Variants in SPATA17 observed in about 807,000 individuals in gnomAD.
The protein encoded by SPATA17 is spermatogenesis-associated protein 17.
In SPATA17, 53 loss-of-function variants were observed where a neutral mutation model predicts 62.2. The ratio of observed to expected loss-of-function variants is 0.85; its 90% CI spans 0.68 to 1.07. SPATA17 has a LOEUF of 1.07. Ranked by LOEUF, SPATA17 falls within the 50% of genes least tolerant of loss-of-function variation. SPATA17 has a pLI of 0.00. For missense variants in SPATA17, 466 were observed against 425.5 expected (o/e 1.10, Z -0.84); for synonymous variants, 146 against 146.8 (o/e 0.99, Z 0.04).
rs79983990 is a variant in SPATA17, at chr1:217,840,495, T to C, written c.1006-22279T>C. Reference sequence around the variant, plus strand: ...ATCTGGCCTATTAACCATTACACTATAGTATCTCAACTAGCTCTTTAAACT... The same window carrying C: ...ATCTGGCCTATTAACCATTACACTACAGTATCTCAACTAGCTCTTTAAACT... On this transcript the variant is annotated intron_variant, in intron 9 of 10. Coordinates refer to ENST00000366933, the MANE Select transcript of SPATA17 (RefSeq NM_138796.4). 5.1e-3 allele frequency among the ~76,000 whole-genome samples: 778 copies of C among 152,248 alleles called. 5 individuals carry two copies. Among genetic ancestry groups the C allele is most frequent in the African/African-American group, 0.015 (610 of 41,578 alleles).
At chr1:217,632,203 T>A (rs1339599998) in intron 1 of SPATA17, among the ~76,000 whole-genome samples, 2 of 150,252 alleles carry the variant, frequency 1.3e-5, no homozygotes, top group East Asian at 1.9e-4. Context: ...TAAATAAATA[T>A]AAATAAAATA....
intron 8 of SPATA17, among the ~76,000 whole-genome samples, chr1:217,791,833 A>G (rs1674000758): frequency 6.6e-6 from 1 of 152,158 alleles, no homozygotes; most frequent in Admixed American, 6.5e-5. Flanking sequence ...AATGGGAGTC[A>G]ATGGGGTCAG....
chr1:217,792,575 A>G (rs1674022065), intron 8 of SPATA17, among the ~76,000 whole-genome samples: 1 of 152,214 alleles, frequency 6.6e-6, no homozygotes. Flanking sequence ...TTCCAGCTCT[A>G]GAACCCACAG....
At chr1:217,823,773 T>G (rs1030938185) in intron 9 of SPATA17, among the ~76,000 whole-genome samples, 1 of 152,044 alleles carries the variant, frequency 6.6e-6, no homozygotes, top group Admixed American at 6.6e-5. Flanking sequence ...TAATATTTGC[T>G]TTATATATTT....
intron 6 of SPATA17, among the ~76,000 whole-genome samples, chr1:217,770,488 G>A (rs536060970): frequency 4.6e-5 from 7 of 152,174 alleles, no homozygotes; most frequent in African/African-American, 1.7e-4. Context: ...GGAATTGTAG[G>A]TGTACACTAT....
chr1:217,840,917 A>G (rs1675379932), intron 9 of SPATA17, among the ~76,000 whole-genome samples: 1 of 151,972 alleles, frequency 6.6e-6, no homozygotes, highest in African/African-American at 2.4e-5. Flanking sequence ...CTGCTTTAGA[A>G]ATTGAGGAAA....
intron 9 of SPATA17, among the ~76,000 whole-genome samples, chr1:217,821,830 C>T (rs1674870613): frequency 6.6e-6 from 1 of 151,978 alleles, no homozygotes; most frequent in South Asian, 2.1e-4. Context: ...AAGGGGAGCA[C>T]TCATGCAAGG....
chr1:217,696,990 T>G (rs1671474694), intron 5 of SPATA17, among the ~76,000 whole-genome samples: 1 of 152,182 alleles, frequency 6.6e-6, no homozygotes, highest in Admixed American at 6.5e-5. Flanking sequence ...AGGTGACTCC[T>G]CTTTGTTTTT....
At chr1:217,696,457 G>A (rs984987103) in intron 5 of SPATA17, among the ~76,000 whole-genome samples, 2 of 152,170 alleles carry the variant, frequency 1.3e-5, no homozygotes, top group African/African-American at 4.8e-5. Flanking sequence ...CGTCTTCTGC[G>A]TCGCTCCGCT....
At chr1:217,683,966 A>G (rs1267584274) in intron 5 of SPATA17, among the ~76,000 whole-genome samples, 1 of 152,172 alleles carries the variant, frequency 6.6e-6, no homozygotes, top group Non-Finnish European at 1.5e-5. Flanking sequence ...AGATGAATTT[A>G]TCTGTAAAAC....
At position 217,727,139 on chromosome 1, in the gene SPATA17, C is replaced by T. The variant is rs1672280014; in HGVS notation, c.396-14836C>T. 2.6e-5 allele frequency among the ~76,000 whole-genome samples: 4 copies of T among 151,600 alleles called. 1 individual carries two copies. In the South Asian group the frequency reaches 8.3e-4, roughly 32 times the overall value. ...GCATATGCCTGTAATCCCAGCTACTCGGGAGGCTGAGGCAGGAGAATCGCT... is the reference window on the plus strand; with the variant it reads ...GCATATGCCTGTAATCCCAGCTACTTGGGAGGCTGAGGCAGGAGAATCGCT... On this transcript the variant is annotated intron_variant, in intron 5 of 10. Coordinates refer to ENST00000366933, the MANE Select transcript of SPATA17 (RefSeq NM_138796.4).
chr1:217,697,615 C>A (rs2102916671), intron 5 of SPATA17, among the ~76,000 whole-genome samples: 1 of 151,914 alleles, frequency 6.6e-6, no homozygotes, highest in Admixed American at 6.6e-5. Flanking sequence ...AATATATTAT[C>A]TTTTTTATAA....
chr1:217,809,725 T>C (rs1674537570), intron 9 of SPATA17, among the ~76,000 whole-genome samples: 1 of 152,120 alleles, frequency 6.6e-6, no homozygotes, highest in Non-Finnish European at 1.5e-5. Context: ...AGGTCCCACC[T>C]CCCAAAACTG....
intron 2 of SPATA17, among the ~76,000 whole-genome samples, chr1:217,649,733 C>CT (rs34501876): frequency 0.062 from 8,711 of 141,602 alleles, 848 homozygotes; most frequent in African/African-American, 0.21. Context: ...CTCTTTCTCA[C>CT]TTTTTTTTTT....
At chr1:217,788,480 T>G (rs995046055) in intron 8 of SPATA17, among the ~76,000 whole-genome samples, 4 of 152,108 alleles carry the variant, frequency 2.6e-5, no homozygotes, top group Non-Finnish European at 5.9e-5. Flanking sequence ...TTAGGGACTT[T>G]TAGGTGGGGA....
intron 6 of SPATA17, among the ~76,000 whole-genome samples, chr1:217,746,435 T>G (rs1421134845): frequency 7.0e-6 from 1 of 142,446 alleles, no homozygotes; most frequent in Non-Finnish European, 1.6e-5. Context: ...ATTTTTATTG[T>G]TCTAATAGCT....
At chr1:217,760,455 A>G (rs1032970431) in intron 6 of SPATA17, among the ~76,000 whole-genome samples, 6 of 152,200 alleles carry the variant, frequency 3.9e-5, no homozygotes. Flanking sequence ...TCCTGTAAGA[A>G]GCCACAAGTT....
chr1:217,722,064 C>T (rs900631132), intron 5 of SPATA17, among the ~76,000 whole-genome samples: 2 of 152,094 alleles, frequency 1.3e-5, no homozygotes, highest in Admixed American at 1.3e-4. Flanking sequence ...TCTTCCATCC[C>T]TTCTATTTCT....
chr1:217,664,114 G>A (rs950939784), intron 3 of SPATA17, among the ~76,000 whole-genome samples: 1 of 151,976 alleles, frequency 6.6e-6, no homozygotes, highest in African/African-American at 2.4e-5. Flanking sequence ...GACAACGTCT[G>A]GAGCATGTTT....
Sources: allele counts gnomAD v4.1 joint callset (sites outside exome capture counted in the v4.1 genomes callset), GRCh38; gene constraint gnomAD v4.1.1; transcripts MANE v1.5; gene names NCBI Gene and HGNC (gene_info 2026-07-23, HGNC 2026-07-21).